Variants in ITGA8 observed in about 807,000 individuals in gnomAD.
The protein encoded by ITGA8 is integrin alpha-8.
Under a neutral mutation model 142.3 loss-of-function variants are expected in ITGA8, and 91 were observed. The ratio of observed to expected loss-of-function variants is 0.64; its 90% CI spans 0.54 to 0.76. The LOEUF (loss-of-function observed/expected upper bound fraction) is 0.76, where lower values mean the gene tolerates loss of function less well. ITGA8 is among the 30% of genes least tolerant of loss of function. ITGA8 has a pLI of 0.00. For synonymous variants in ITGA8, 505 were observed against 485.2 expected (o/e 1.04, Z -0.54); for missense variants, 1,406 against 1,327.7 (o/e 1.06, Z -0.92).
intron 25 of ITGA8, among the ~76,000 whole-genome samples, chr10:15,571,083 A>G (rs1366398378): frequency 6.6e-6 from 1 of 152,252 alleles, no homozygotes; most frequent in Non-Finnish European, 1.5e-5. Flanking sequence ...GGAAGGAAAT[A>G]TTTTAAAGAA....
intron 13 of ITGA8, among the ~76,000 whole-genome samples, chr10:15,633,982 C>T (rs193251584): frequency 4.6e-4 from 70 of 152,244 alleles, no homozygotes; most frequent in African/African-American, 1.7e-3. Context: ...CGAAGTCTTG[C>T]TTTTTATGAC....
intron 28 of ITGA8, among the ~76,000 whole-genome samples, chr10:15,522,173 T>C (rs1833084868): frequency 6.6e-6 from 1 of 152,250 alleles, no homozygotes; most frequent in Non-Finnish European, 1.5e-5. Flanking sequence ...CACTATACGT[T>C]ATGTGCACGT....
chr10:15,567,095 C>A (rs1451010722), intron 25 of ITGA8, among the ~76,000 whole-genome samples: 1 of 150,236 alleles, frequency 6.7e-6, no homozygotes, highest in East Asian at 2.0e-4. Context: ...TCAAAGGTTG[C>A]AGTGAGCTGA....
Position 15,585,150 on chromosome 10 carries a change from A to G in ITGA8, c.2372+1434T>C, listed in dbSNP as rs576611922. 3.3e-5 allele frequency among the ~76,000 whole-genome samples: 5 copies of G among 152,334 alleles called. No individual in the cohort carries two copies. In the East Asian group the frequency reaches 9.6e-4, roughly 29 times the overall value. Reference sequence around the variant, plus strand: ...AATGAATCTCAAAAACATTGGTTTGAATGGAAAAAAATTAGAAACATACAT... The same window carrying G: ...AATGAATCTCAAAAACATTGGTTTGGATGGAAAAAAATTAGAAACATACAT... On this transcript the variant is annotated intron_variant, in intron 23 of 29. Transcript: ENST00000378076.
intron 20 of ITGA8, among the ~76,000 whole-genome samples, chr10:15,601,341 G>A (rs1188072957): frequency 6.6e-6 from 1 of 152,152 alleles, no homozygotes; most frequent in Non-Finnish European, 1.5e-5. Context: ...GTGAGAGACT[G>A]AACAAGAGAT....
intron 6 of ITGA8, among the ~76,000 whole-genome samples, chr10:15,675,406 A>G (rs1235602495): frequency 6.6e-6 from 1 of 152,200 alleles, no homozygotes; most frequent in Non-Finnish European, 1.5e-5. Flanking sequence ...CCTTACCAGC[A>G]TATATCCAAC....
intron 13 of ITGA8, among the ~76,000 whole-genome samples, chr10:15,620,678 A>G (rs1048246644): frequency 2.6e-5 from 4 of 152,216 alleles, no homozygotes; most frequent in Non-Finnish European, 5.9e-5. Flanking sequence ...AAATTGTCAG[A>G]TCTCTCCAGG....
At chr10:15,616,580 G>A in intron 13 of ITGA8, 21 bp from the exon 14 acceptor site, 2 of 1,604,692 alleles carry the variant, frequency 1.2e-6, no homozygotes, top group Non-Finnish European at 1.7e-6. Context: ...CAAAAACACA[G>A]AACACATGCG....
At chr10:15,628,218 T>G (rs1220761214) in intron 13 of ITGA8, among the ~76,000 whole-genome samples, 1 of 151,884 alleles carries the variant, frequency 6.6e-6, no homozygotes, top group African/African-American at 2.4e-5. Flanking sequence ...TATAAGCAGC[T>G]GAGCGGCCCA....
chr10:15,612,314 G>C (rs1030311636), intron 15 of ITGA8, among the ~76,000 whole-genome samples: 8 of 152,076 alleles, frequency 5.3e-5, no homozygotes, highest in African/African-American at 1.9e-4. Flanking sequence ...CTGTCAAAAG[G>C]CCATCAACAA....
chr10:15,644,153 T>A lies in ITGA8; in HGVS notation c.1276A>T (p.Lys426Ter). 6.2e-7 allele frequency: 1 copy of A among 1,614,172 alleles called. No individual in the cohort carries two copies. The highest frequency in any genetic ancestry group is 8.5e-7 in the Non-Finnish European group (1 of 1,180,028). Residue 426 changes from lysine (K) to a stop codon, truncating the protein, a stop_gained, in exon 13 of 30, where the codon AAA becomes TAA. Transcript: ENST00000378076. LOFTEE classifies it high-confidence loss of function. ...RGKVLIYNGN[K>*]DGLNTKPSQV... ...GAAGGCTTGGTGTTTAAGCCATCTTTGTTCCCATTATAAATGAGCACTTTG... is the reference window on the plus strand; with the variant it reads ...GAAGGCTTGGTGTTTAAGCCATCTTAGTTCCCATTATAAATGAGCACTTTG...
intron 28 of ITGA8, among the ~76,000 whole-genome samples, chr10:15,528,035 C>T (rs1833213514): frequency 6.6e-6 from 1 of 151,378 alleles, no homozygotes; most frequent in Admixed American, 6.6e-5. Context: ...CCTGCCTCAG[C>T]CTCCTGAGTA....
chr10:15,586,492 T>C, intron 23 of ITGA8, 92 bp downstream of exon 23: 1 of 712,900 alleles, frequency 1.4e-6, no homozygotes, highest in Non-Finnish European at 2.5e-6. Flanking sequence ...TGATCTCTAA[T>C]GCATCAGGAA....
intron 11 of ITGA8, among the ~76,000 whole-genome samples, chr10:15,647,967 TAAA>T (rs1230185541): frequency 6.6e-6 from 1 of 152,162 alleles, no homozygotes; most frequent in East Asian, 1.9e-4. Flanking sequence ...TTTTTAAGGT[TAAA>T]AAATTTTCAA....
chr10:15,606,415 G>C lies in ITGA8; in HGVS notation c.1772C>G (p.Thr591Ser). The change falls in exon 18 of 30, where the codon ACT (threonine) becomes AGT (serine). Residue 591 changes from threonine (T) to serine (S), a missense_variant. Physicochemically the swap from Thr to Ser is moderately conservative, Grantham distance 58. Transcript: ENST00000378076. ...TGGAGATAATTTATCTCGGAATTCA[G>C]TTTCATCCTAGGAAAAATAATCACA... ...QDFIVYLRDETEFRDKLSPIN... is the reference protein window; with the variant it reads ...QDFIVYLRDESEFRDKLSPIN... 1 of 1,590,124 alleles carries C rather than the reference G, an allele frequency of 6.3e-7. No individual in the cohort carries two copies. The highest frequency in any genetic ancestry group is 2.3e-5 in the East Asian group (1 of 44,246).
chr10:15,627,844 A>C (rs929725676), intron 13 of ITGA8, among the ~76,000 whole-genome samples: 1 of 152,060 alleles, frequency 6.6e-6, no homozygotes, highest in Non-Finnish European at 1.5e-5. Flanking sequence ...CAGGTTAGTC[A>C]TTCTGAGTCA....
chr10:15,647,385 G>T (rs1278362713), intron 11 of ITGA8, among the ~76,000 whole-genome samples: 1 of 150,022 alleles, frequency 6.7e-6, no homozygotes, highest in East Asian at 1.9e-4. Context: ...GAACAAAATA[G>T]CTTTTTGTAA....
chr10:15,619,376 C>G (rs1466391278), intron 13 of ITGA8, among the ~76,000 whole-genome samples: 1 of 152,162 alleles, frequency 6.6e-6, no homozygotes, highest in African/African-American at 2.4e-5. Flanking sequence ...GAATCAGATT[C>G]AGTTATTAGA....
Position 15,719,772 on chromosome 10 carries a change from C to A in ITGA8, c.-1G>T. On this transcript the variant is annotated 5_prime_UTR_variant, in exon 1 of 30. Transcript: ENST00000378076. ...GACCGCGGCTGGCCCCGGGCGACAT[C>A]TCCCTCCGCCCCGGTGGGTGGCTGC... is the stretch of plus-strand genomic sequence containing the variant. 1 of 951,276 alleles carries A rather than the reference C, an allele frequency of 1.1e-6. No individual in the cohort carries two copies. Among genetic ancestry groups the A allele is most frequent in the South Asian group, 3.1e-5 (1 of 31,954 alleles). The allele number at this position is 951,276 out of a possible 1,614,324, so 58.9% of individuals were successfully genotyped here. A position where few individuals can be genotyped will look rare whatever the true frequency, so the allele number is the denominator to read the frequency against.
Sources: gnomAD v4.1 joint callset for allele counts (sites outside exome capture counted in the v4.1 genomes callset) on GRCh38, gnomAD v4.1.1 for gene constraint, MANE v1.5 for transcripts, NCBI Gene and HGNC (gene_info 2026-07-23, HGNC 2026-07-21) for gene names.